SCHIP1: variants seen among roughly 807,000 people sequenced by gnomAD.
SCHIP1 encodes schwannomin-interacting protein 1.
A neutral mutation model predicts 29.7 loss-of-function variants in SCHIP1; 8 were observed. That is an observed-to-expected ratio of 0.27 (90% CI 0.16 to 0.49). The LOEUF is 0.49. SCHIP1 is among the 20% of genes least tolerant of loss of function. The probability of loss-of-function intolerance (pLI) is 0.99; values close to 1 mark genes in which losing one functional copy is unlikely to be tolerated. For synonymous variants in SCHIP1, 76 were observed against 94.9 expected, an observed-to-expected ratio of 0.80 and a Z score of 1.16; for missense variants, 193 against 294.6, an observed-to-expected ratio of 0.66 and a Z score of 2.52.
the SCHIP1 span, among the ~76,000 whole-genome samples, chr3:159,630,540 G>C: frequency 6.6e-6 from 1 of 152,164 alleles, no homozygotes; most frequent in African/African-American, 2.4e-5. Flanking sequence ...CAGCAACCTG[G>C]ATGGAATTGG....
the SCHIP1 span, among the ~76,000 whole-genome samples, chr3:159,478,513 A>G: frequency 1.3e-5 from 2 of 152,156 alleles, no homozygotes; most frequent in Non-Finnish European, 2.9e-5. Flanking sequence ...ATCAGGAAGT[A>G]CAATGACTCC....
chr3:159,671,926 C>G, the SCHIP1 span, among the ~76,000 whole-genome samples: 1 of 152,080 alleles, frequency 6.6e-6, no homozygotes, highest in South Asian at 2.1e-4. Context: ...AGGGAGTGAC[C>G]TGCAATTCCA....
chr3:159,459,772 G>A, the SCHIP1 span, among the ~76,000 whole-genome samples: 1 of 152,206 alleles, frequency 6.6e-6, no homozygotes, highest in Non-Finnish European at 1.5e-5. Context: ...AGTTAAAATG[G>A]GGTCATTAGG....
chr3:159,376,819 T>C, the SCHIP1 span, among the ~76,000 whole-genome samples: 1 of 152,146 alleles, frequency 6.6e-6, no homozygotes, highest in Non-Finnish European at 1.5e-5. Flanking sequence ...TCTCCATCAG[T>C]AGCCCCAGTT....
chr3:159,526,024 A>G, the SCHIP1 span, among the ~76,000 whole-genome samples: 2 of 152,358 alleles, frequency 1.3e-5, no homozygotes, highest in African/African-American at 4.8e-5. Context: ...TCTGTCACTC[A>G]TAACTAGAGT....
chr3:159,284,931 C>T, the SCHIP1 span, among the ~76,000 whole-genome samples: 1 of 151,982 alleles, frequency 6.6e-6, no homozygotes, highest in African/African-American at 2.4e-5. Context: ...GTTGTGTTCT[C>T]GATCTAATAA....
At chr3:159,845,514 G>A (rs1284783517) in intron 1 of SCHIP1, 1 of 151,844 alleles carries the variant, frequency 6.6e-6, no homozygotes, top group Admixed American at 6.6e-5. Context: ...CTGAGTAGCT[G>A]AGATTACACG....
the SCHIP1 span, among the ~76,000 whole-genome samples, chr3:159,632,071 G>A: frequency 2.0e-5 from 3 of 152,204 alleles, no homozygotes; most frequent in East Asian, 1.9e-4. Flanking sequence ...TTTTAGCTAT[G>A]TATGAAGTCC....
At chr3:159,737,632 T>G in the SCHIP1 span, among the ~76,000 whole-genome samples, 1 of 152,220 alleles carries the variant, frequency 6.6e-6, no homozygotes, top group Non-Finnish European at 1.5e-5. Flanking sequence ...AAATTTGGTA[T>G]CATTAAACAG....
At chr3:159,336,448 G>A in the SCHIP1 span, among the ~76,000 whole-genome samples, 2 of 152,132 alleles carry the variant, frequency 1.3e-5, no homozygotes, top group Non-Finnish European at 2.9e-5. Flanking sequence ...GTATTGCCTA[G>A]GTTTTCTTCT....
chr3:159,635,002 GC>G, the SCHIP1 span, among the ~76,000 whole-genome samples: 1 of 152,106 alleles, frequency 6.6e-6, no homozygotes, highest in African/African-American at 2.4e-5. Flanking sequence ...TTAGTAGCCA[GC>G]CCTGCTTACA....
chr3:159,623,849 C>T, the SCHIP1 span, among the ~76,000 whole-genome samples: 1 of 152,014 alleles, frequency 6.6e-6, no homozygotes, highest in Non-Finnish European at 1.5e-5. Flanking sequence ...TCTATTTTGC[C>T]CATACCCCAC....
the SCHIP1 span, among the ~76,000 whole-genome samples, chr3:159,682,371 C>G: frequency 1.3e-5 from 2 of 152,178 alleles, no homozygotes; most frequent in African/African-American, 4.8e-5. Context: ...GAAAAGGGCT[C>G]AGCTTCAACT....
intron 2 of SCHIP1, among the ~76,000 whole-genome samples, chr3:159,879,819 C>T (rs1193146896): frequency 6.6e-6 from 1 of 152,110 alleles, no homozygotes; most frequent in Admixed American, 6.5e-5. Flanking sequence ...TCTGGAGATT[C>T]GGGTTAGGAT....
chr3:159,592,010 A>G, the SCHIP1 span, among the ~76,000 whole-genome samples: 3 of 151,564 alleles, frequency 2.0e-5, no homozygotes, highest in Non-Finnish European at 4.4e-5. Flanking sequence ...AAAGAAAGAA[A>G]GAAAGAAATT....
chr3:159,633,417 T>C, the SCHIP1 span, among the ~76,000 whole-genome samples: 2 of 151,162 alleles, frequency 1.3e-5, no homozygotes, highest in African/African-American at 4.9e-5. Flanking sequence ...TAAATGGAGG[T>C]GGGAGAGAGA....
the SCHIP1 span, among the ~76,000 whole-genome samples, chr3:159,573,436 C>A: frequency 6.6e-6 from 1 of 152,036 alleles, no homozygotes; most frequent in Non-Finnish European, 1.5e-5. Context: ...GAATATTGGC[C>A]CCCACTCTCT....
chr3:159,754,923 G>A, the SCHIP1 span, among the ~76,000 whole-genome samples: 3 of 152,098 alleles, frequency 2.0e-5, no homozygotes, highest in East Asian at 3.9e-4. Flanking sequence ...AAGACATACC[G>A]GAGATGCGCA....
At chr3:159,543,283 T>C in the SCHIP1 span, among the ~76,000 whole-genome samples, 1 of 150,940 alleles carries the variant, frequency 6.6e-6, no homozygotes, top group Non-Finnish European at 1.5e-5. Context: ...TATGTATACA[T>C]GTGCCATGCT....
Sources: gnomAD v4.1 joint callset for allele counts (sites outside exome capture counted in the v4.1 genomes callset) on GRCh38, gnomAD v4.1.1 for gene constraint, MANE v1.5 for transcripts, NCBI Gene and HGNC (gene_info 2026-07-23, HGNC 2026-07-21) for gene names.